Variants in LAMC3 observed in about 807,000 individuals in gnomAD.
The protein encoded by LAMC3 is laminin subunit gamma 3, also known as laminin subunit gamma-3.
LAMC3 carries 128 observed loss-of-function variants against 173.8 expected under a neutral mutation model. The ratio of observed to expected loss-of-function variants is 0.74; its 90% CI spans 0.64 to 0.85. The LOEUF is 0.85. LAMC3 is among the 40% of genes least tolerant of loss of function. The probability of loss-of-function intolerance (pLI) is 0.00; values close to 1 mark genes in which losing one functional copy is unlikely to be tolerated. For synonymous variants in LAMC3, 897 were observed against 909.1 expected (o/e 0.99, Z 0.24); for missense variants, 2,022 against 2,156.0 (o/e 0.94, Z 1.23).
intron 12 of LAMC3, among the ~76,000 whole-genome samples, chr9:131,060,597 T>G (rs985027988): frequency 6.6e-6 from 1 of 151,998 alleles, no homozygotes; most frequent in African/African-American, 2.4e-5. Context: ...TGAGCCAAAT[T>G]GCACCACTGC....
At chr9:131,076,029 G>A in intron 21 of LAMC3, 64 bp downstream of exon 21, 1 of 1,479,410 alleles carries the variant, frequency 6.8e-7, no homozygotes, top group Non-Finnish European at 9.1e-7. Flanking sequence ...ACAGGGCCTA[G>A]CCAAAGGCTG....
Position 131,087,641 on chromosome 9 carries a change from C to A in LAMC3, c.4377+19C>A. 4 of 1,613,800 alleles carry A rather than the reference C, an allele frequency of 2.5e-6. No homozygotes were observed. The highest frequency in any genetic ancestry group is 1.3e-5 in the African/African-American group (1 of 75,060). On this transcript the variant is annotated intron_variant, in intron 26 of 27. Coordinates refer to ENST00000361069, the MANE Select transcript of LAMC3 (RefSeq NM_006059.4). Reference sequence around the variant, plus strand: ...TGAGCGGGTACGTTTGCCAGGGCCCCTACCCTATCGCCTCCTGCCCCTGGC... The same window carrying A: ...TGAGCGGGTACGTTTGCCAGGGCCCATACCCTATCGCCTCCTGCCCCTGGC...
chr9:131,024,003 A>G (rs1833676218), intron 1 of LAMC3, among the ~76,000 whole-genome samples: 1 of 151,972 alleles, frequency 6.6e-6, no homozygotes, highest in African/African-American at 2.4e-5. Context: ...TCCTTGAAGG[A>G]CAGAAGTTTT....
At position 131,029,539 on chromosome 9, in the gene LAMC3, T is replaced by G. The variant is rs1204119711; in HGVS notation, c.679-2506T>G. Among the ~76,000 whole-genome samples the G allele has an allele frequency of 6.6e-6, 1 of 152,246 alleles. No individual in the cohort carries two copies. Among genetic ancestry groups the G allele is most frequent in the Non-Finnish European group, 1.5e-5 (1 of 68,044 alleles). ...TTTGAGAAATATCTCCCCTGCTGCT[T>G]CTGGACAGAAACCAAGAGCAGAGCA... On this transcript the variant is annotated intron_variant, in intron 2 of 27. Transcript: ENST00000361069. The surrounding 1 kb of genome is among the most constrained non-coding windows in gnomAD (Gnocchi z 4.6).
intron 3 of LAMC3, among the ~76,000 whole-genome samples, chr9:131,032,618 C>G (rs1006802552): frequency 6.6e-6 from 1 of 151,332 alleles, no homozygotes; most frequent in Non-Finnish European, 1.5e-5. Flanking sequence ...CTCTCTCTCT[C>G]TCTCTCACTC....
intron 12 of LAMC3, 26 bp from the exon 13 acceptor site, chr9:131,061,009 A>C: frequency 6.2e-7 from 1 of 1,612,802 alleles, no homozygotes. Flanking sequence ...CTGGGTTCAG[A>C]CAGTGGTGCT....
At chr9:131,082,261 GTCTGGTCTTGTGGGCTTAAT>G (rs1830255199) in intron 24 of LAMC3, 100 bp downstream of exon 24, 1 of 856,888 alleles carries the variant, frequency 1.2e-6, no homozygotes, top group Non-Finnish European at 1.9e-6. Flanking sequence ...GAGGACAGGA[GTCTGGTCTTGTGGGCTTAAT>G]TAAGCCAAAC....
intron 1 of LAMC3, among the ~76,000 whole-genome samples, chr9:131,023,847 A>G (rs1330709257): frequency 2.0e-5 from 3 of 151,280 alleles, no homozygotes; most frequent in Non-Finnish European, 4.4e-5. Context: ...CAAGCAATCT[A>G]CTCCTCCTTT....
intron 13 of LAMC3, 98 bp from the exon 14 acceptor site, chr9:131,066,862 G>T: frequency 6.6e-7 from 1 of 1,507,864 alleles, no homozygotes. Context: ...GTGCTGCTCC[G>T]GGGAAGGTGG....
chr9:131,091,745 C>T lies in LAMC3; in HGVS notation c.4686C>T (p.Ala1562=), dbSNP rs1299245897. ...GCGCCGACAAACAGAACCTGGAGGCCATTCTGCACAGCCTGCCCGAGAACT... is the reference window on the plus strand; with the variant it reads ...GCGCCGACAAACAGAACCTGGAGGCTATTCTGCACAGCCTGCCCGAGAACT... The part of the protein sequence containing the change: ...EIRADKQNLE[A]ILHSLPENCA... The change falls in exon 28 of 28, where the codon GCC becomes GCT. Residue 1562 remains alanine, a synonymous_variant. Transcript: ENST00000361069. 9.9e-6 allele frequency: 16 copies of T among 1,613,190 alleles called. No individual in the cohort carries two copies. The highest frequency in any genetic ancestry group is 1.4e-5 in the Non-Finnish European group (16 of 1,179,988).
chr9:131,052,660 C>T lies in LAMC3; in HGVS notation c.1800C>T (p.Pro600=). The T allele has an allele frequency of 6.2e-7, 1 of 1,613,708 alleles. No homozygotes were observed. Among genetic ancestry groups the T allele is most frequent in the African/African-American group, 1.3e-5 (1 of 75,060 alleles). ...CTGGCCCCCAGGATGCCGGGCATCC[C>T]AGGGAGGTAGAGCTCAGGTTCCAGT... is the stretch of plus-strand genomic sequence containing the variant. ...SLSGPQDAGH[P]REVELRFHLQ... is the part of the protein sequence containing the mutation. Residue 600 remains proline, a synonymous_variant, in exon 10 of 28, where the codon CCC becomes CCT. Coordinates refer to ENST00000361069, the MANE Select transcript of LAMC3 (RefSeq NM_006059.4).
At chr9:131,024,037 G>T (rs1588139046) in intron 1 of LAMC3, among the ~76,000 whole-genome samples, 1 of 151,292 alleles carries the variant, frequency 6.6e-6, no homozygotes, top group Admixed American at 6.6e-5. Context: ...TCCAGTTTAT[G>T]TATTTTTTCT....
At chr9:131,031,466 A>C (rs1041204538) in intron 2 of LAMC3, among the ~76,000 whole-genome samples, 41 of 152,336 alleles carry the variant, frequency 2.7e-4, no homozygotes, top group African/African-American at 8.2e-4. Context: ...ATGTCACCTG[A>C]GGCAGGTGAC....
chr9:131,074,243 C>T lies in LAMC3; in HGVS notation c.3494+922C>T, dbSNP rs141191028. On this transcript the variant is annotated intron_variant, in intron 20 of 27. Transcript: ENST00000361069. Reference sequence around the variant, plus strand: ...GATTACAGGCGTGAGCCACCGCGCCCGGCCAGCACAGTGTTTTCAAGGCTC... The same window carrying T: ...GATTACAGGCGTGAGCCACCGCGCCTGGCCAGCACAGTGTTTTCAAGGCTC... Among the ~76,000 whole-genome samples the T allele has an allele frequency of 6.1e-3, 926 of 151,780 alleles. 9 individuals carry two copies. Among genetic ancestry groups the T allele is most frequent in the African/African-American group, 0.021 (859 of 41,434 alleles).
At chr9:131,082,020 G>C (rs1194952650) in intron 23 of LAMC3, 39 bp from the exon 24 acceptor site, 1 of 1,539,728 alleles carries the variant, frequency 6.5e-7, no homozygotes, top group East Asian at 2.3e-5. Flanking sequence ...CCCTGCTCCT[G>C]TGGAGCCAGC....
chr9:131,012,944 A>T (rs1833450034), intron 1 of LAMC3, among the ~76,000 whole-genome samples: 1 of 152,158 alleles, frequency 6.6e-6, no homozygotes, highest in Non-Finnish European at 1.5e-5. Flanking sequence ...CCTGTCTGGG[A>T]TGAAAGGCAG....
intron 12 of LAMC3, among the ~76,000 whole-genome samples, chr9:131,060,552 T>TA (rs1448339697): frequency 1.3e-5 from 2 of 151,948 alleles, no homozygotes; most frequent in Non-Finnish European, 2.9e-5. Flanking sequence ...GCTGAGGCAG[T>TA]AATATCACTT....
intron 22 of LAMC3, among the ~76,000 whole-genome samples, chr9:131,077,676 CAAAAAAAAAAAAAAAAAAAAAA>C (rs56320740): frequency 1.8e-3 from 51 of 27,724 alleles, no homozygotes; most frequent in African/African-American, 6.4e-3. Flanking sequence ...GACTCCATCT[CAAAAAAAAAAAAAAAAAAAAAA>C]AAAAAAAAAA....
intron 1 of LAMC3, among the ~76,000 whole-genome samples, chr9:131,015,431 C>T (rs1833502720): frequency 6.6e-6 from 1 of 152,148 alleles, no homozygotes; most frequent in African/African-American, 2.4e-5. Flanking sequence ...GCAAGCCCTC[C>T]CAGCAGCCAT....
Sources: allele counts gnomAD v4.1 joint callset (sites outside exome capture counted in the v4.1 genomes callset), GRCh38; gene constraint gnomAD v4.1.1; non-coding constraint Gnocchi (gnomAD v3.1); transcripts MANE v1.5; gene names NCBI Gene and HGNC (gene_info 2026-07-23, HGNC 2026-07-21).